The following DLGAP1 variants were observed in gnomAD, a reference collection of about 807,000 sequenced individuals.
DLGAP1 encodes disks large-associated protein 1.
DLGAP1 carries 11 observed loss-of-function variants against 90.8 expected under a neutral mutation model. That is an observed-to-expected ratio of 0.12 (90% CI 0.08 to 0.20). The LOEUF (loss-of-function observed/expected upper bound fraction) is 0.20, where lower values mean the gene tolerates loss of function less well. Among genes scored for constraint, DLGAP1 ranks in the 10% least tolerant of loss-of-function variants. The pLI is 1.00. For synonymous variants in DLGAP1, 558 were observed against 540.7 expected, an observed-to-expected ratio of 1.03 and a Z score of -0.44; for missense variants, 1,050 against 1,333.8, an observed-to-expected ratio of 0.79 and a Z score of 3.31.
chr18:4,196,840 A>C (rs2144775143), intron 1 of DLGAP1, among the ~76,000 whole-genome samples: 1 of 152,370 alleles, frequency 6.6e-6, no homozygotes, highest in South Asian at 2.1e-4. Flanking sequence ...CACAAAGAGA[A>C]GCACAATTAA....
chr18:4,207,544 C>T (rs2144859058), intron 1 of DLGAP1, among the ~76,000 whole-genome samples: 1 of 152,336 alleles, frequency 6.6e-6, no homozygotes, highest in East Asian at 1.9e-4. Flanking sequence ...ACGGAATTTA[C>T]CATCTGAGGT....
intron 7 of DLGAP1, among the ~76,000 whole-genome samples, chr18:3,605,343 T>C (rs1312697674): frequency 6.6e-6 from 1 of 152,212 alleles, no homozygotes; most frequent in East Asian, 1.9e-4. Context: ...AACACAGCAG[T>C]TTTTAATCAG....
chr18:4,027,503 C>CAAAAAAAA lies in DLGAP1; in HGVS notation c.-158-22310_-158-22303dup, dbSNP rs59592467. 9.9e-4 allele frequency among the ~76,000 whole-genome samples: 55 copies of CAAAAAAAA among 55,616 alleles called. 1 individual carries two copies. Among genetic ancestry groups the CAAAAAAAA allele is most frequent in the African/African-American group, 1.8e-3 (26 of 14,744 alleles). The allele number at this position is 55,616 out of a possible 152,430, so 36.5% of individuals were successfully genotyped here. ...TAGGTGACAGAGCAAGACTCCGTCTCAAAAAAAAAAAAAAAAAAAAAAAAA... is the reference window on the plus strand; with the variant it reads ...TAGGTGACAGAGCAAGACTCCGTCTCAAAAAAAAAAAAAAAAAAAAAAAAAAAAAAAAA... On this transcript the variant is annotated intron_variant, in intron 2 of 12. Coordinates refer to ENST00000315677, the MANE Select transcript of DLGAP1 (RefSeq NM_004746.4).
chr18:3,619,769 A>T (rs1599575342), intron 7 of DLGAP1, among the ~76,000 whole-genome samples: 2 of 79,884 alleles, frequency 2.5e-5, no homozygotes, highest in South Asian at 4.3e-4. Context: ...TTGGTGGGAG[A>T]TATGGGATGG....
At chr18:4,265,610 T>C (rs2079102254) in intron 1 of DLGAP1, among the ~76,000 whole-genome samples, 1 of 100,782 alleles carries the variant, frequency 9.9e-6, no homozygotes, top group African/African-American at 5.1e-5. Context: ...TTTCCTTCCT[T>C]CCTTCCCTCC....
At chr18:3,773,067 T>G (rs1434128047) in intron 5 of DLGAP1, among the ~76,000 whole-genome samples, 2 of 152,182 alleles carry the variant, frequency 1.3e-5, no homozygotes, top group African/African-American at 4.8e-5. Context: ...GAAGGAGTTC[T>G]TAATGAGCTC....
chr18:4,310,389 T>C (rs566500157), intron 1 of DLGAP1, among the ~76,000 whole-genome samples: 31 of 152,334 alleles, frequency 2.0e-4, no homozygotes, highest in Admixed American at 2.0e-3. Flanking sequence ...AAGTTAAACA[T>C]CTACAATAAA....
intron 7 of DLGAP1, among the ~76,000 whole-genome samples, chr18:3,617,786 G>A (rs2057930711): frequency 6.6e-6 from 1 of 151,938 alleles, no homozygotes; most frequent in South Asian, 2.1e-4. Context: ...TGTAATCCCA[G>A]CACTTTGGGA....
intron 3 of DLGAP1, among the ~76,000 whole-genome samples, chr18:3,932,187 G>A (rs1228058826): frequency 6.6e-6 from 1 of 152,124 alleles, no homozygotes; most frequent in Non-Finnish European, 1.5e-5. Context: ...ATTTGGGAAG[G>A]GCCCTTTTTA....
At chr18:4,249,320 G>A (rs780810632) in intron 1 of DLGAP1, among the ~76,000 whole-genome samples, 7 of 137,256 alleles carry the variant, frequency 5.1e-5, no homozygotes, top group Non-Finnish European at 9.7e-5. Context: ...CATGAATGAA[G>A]GATGTATGGA....
At chr18:4,352,305 A>G (rs1454314322) in intron 1 of DLGAP1, among the ~76,000 whole-genome samples, 1 of 152,048 alleles carries the variant, frequency 6.6e-6, no homozygotes, top group East Asian at 1.9e-4. Context: ...ATGCTCTCAA[A>G]TCTCTCCCTC....
At chr18:3,909,585 T>C (rs1268408461) in intron 3 of DLGAP1, among the ~76,000 whole-genome samples, 2 of 152,346 alleles carry the variant, frequency 1.3e-5, no homozygotes, top group Non-Finnish European at 2.9e-5. Context: ...TTTATTTCAC[T>C]GAGATAGTGG....
intron 9 of DLGAP1, among the ~76,000 whole-genome samples, chr18:3,545,872 T>A (rs1014145214): frequency 1.3e-5 from 2 of 152,182 alleles, no homozygotes; most frequent in Non-Finnish European, 2.9e-5. Context: ...GGAAACAGGA[T>A]GTTTTCTAAT....
rs775842246 is a variant in DLGAP1 at position 3,660,031 on chromosome 18, C to A, written c.1591+69104G>T. Among the ~76,000 whole-genome samples the A allele has an allele frequency of 9.2e-5, 14 of 152,196 alleles. No homozygotes were observed. Among genetic ancestry groups the A allele is most frequent in the Non-Finnish European group, 1.9e-4 (13 of 68,038 alleles). On this transcript the variant is annotated intron_variant, in intron 7 of 12. Transcript: ENST00000315677. This position sits in a 1 kb window ranked among gnomAD's most constrained non-coding sequence, Gnocchi z 4.2. The stretch of plus-strand genomic sequence containing the variant: ...CTGCTGCCCTAAACTGCCCAATCTT[C>A]CTATAACCAGCTCTTTTCTTTTGTT...
chr18:3,954,388 C>T (rs1044492943), intron 3 of DLGAP1, among the ~76,000 whole-genome samples: 3 of 152,144 alleles, frequency 2.0e-5, no homozygotes, highest in African/African-American at 7.2e-5. Flanking sequence ...GTGGTGTGAA[C>T]AGATCTTATT....
intron 3 of DLGAP1, among the ~76,000 whole-genome samples, chr18:3,942,431 A>G (rs1489787037): frequency 6.6e-6 from 1 of 152,212 alleles, no homozygotes; most frequent in Non-Finnish European, 1.5e-5. Context: ...TCGGAGGGGA[A>G]AGCTTCAGAA....
At chr18:4,250,241 GC>G (rs1463835701) in intron 1 of DLGAP1, among the ~76,000 whole-genome samples, 1 of 152,140 alleles carries the variant, frequency 6.6e-6, no homozygotes, top group African/African-American at 2.4e-5. Flanking sequence ...GAAACAGAAG[GC>G]CTTATTAACC....
intron 11 of DLGAP1, among the ~76,000 whole-genome samples, chr18:3,507,923 G>C (rs1489818392): frequency 2.0e-5 from 3 of 152,146 alleles, no homozygotes; most frequent in African/African-American, 7.2e-5. Flanking sequence ...CTTTAGTAGA[G>C]ACAGGGTTTT....
chr18:3,841,150 T>C (rs1475246315), intron 4 of DLGAP1, among the ~76,000 whole-genome samples: 2 of 152,142 alleles, frequency 1.3e-5, no homozygotes, highest in Non-Finnish European at 2.9e-5. Flanking sequence ...CAGGCTACGG[T>C]TGAAGAACAT....
Sources: gnomAD v4.1 joint callset for allele counts (sites outside exome capture counted in the v4.1 genomes callset) on GRCh38, gnomAD v4.1.1 for gene constraint, Gnocchi (gnomAD v3.1) non-coding constraint, MANE v1.5 for transcripts, NCBI Gene and HGNC (gene_info 2026-07-23, HGNC 2026-07-21) for gene names.